The following NSG1 variants were observed in gnomAD, a reference collection of about 807,000 sequenced individuals.
NSG1 encodes neuronal vesicle trafficking-associated protein 1.
A neutral mutation model predicts 19.3 loss-of-function variants in NSG1; 9 were observed. The observed-to-expected ratio is 0.47, with a 90% CI of 0.28 to 0.81. The LOEUF (loss-of-function observed/expected upper bound fraction) is 0.81. Ranked by LOEUF, NSG1 falls within the 40% of genes least tolerant of loss-of-function variation. The pLI, the probability that NSG1 is intolerant of heterozygous loss-of-function variation, is 0.11. For synonymous variants in NSG1, 104 were observed against 107.0 expected, an observed-to-expected ratio of 0.97 and a Z score of 0.17; for missense variants, 236 against 242.4, an observed-to-expected ratio of 0.97 and a Z score of 0.18.
chr4:4,412,818 G>A (rs1373317333), intron 4 of NSG1, among the ~76,000 whole-genome samples: 1 of 152,196 alleles, frequency 6.6e-6, no homozygotes, highest in Non-Finnish European at 1.5e-5. Context: ...AAATAAAGCA[G>A]GAGAAGCCAA....
chr4:4,414,115 CCT>C (rs1724383181), intron 4 of NSG1, among the ~76,000 whole-genome samples: 2 of 152,058 alleles, frequency 1.3e-5, no homozygotes, highest in Non-Finnish European at 2.9e-5. Flanking sequence ...CCTGGCTCAT[CCT>C]CTCTGAGCCT....
intron 4 of NSG1, 77 bp downstream of exon 4, chr4:4,409,760 C>A: frequency 8.7e-7 from 1 of 1,152,840 alleles, no homozygotes; most frequent in South Asian, 1.3e-5. Context: ...CAAGGCTGCT[C>A]CTGCCGTCTC....
intron 2 of NSG1, among the ~76,000 whole-genome samples, chr4:4,389,769 G>A (rs571922855): frequency 8.5e-5 from 13 of 152,202 alleles, no homozygotes; most frequent in Non-Finnish European, 1.6e-4. Context: ...GAGTGCTGAG[G>A]TGCTGGGGTG....
At chr4:4,405,607 C>A (rs1206851088) in intron 3 of NSG1, among the ~76,000 whole-genome samples, 6 of 152,194 alleles carry the variant, frequency 3.9e-5, no homozygotes, top group Non-Finnish European at 8.8e-5. Flanking sequence ...CCTCTCTCTC[C>A]TTAGGCCATG....
chr4:4,408,647 A>C (rs989303551), intron 3 of NSG1, among the ~76,000 whole-genome samples: 3 of 152,076 alleles, frequency 2.0e-5, no homozygotes, highest in African/African-American at 7.2e-5. Context: ...TTTAGTAGAG[A>C]TGGGGTTTCG....
At chr4:4,401,090 G>A (rs1190804424) in intron 3 of NSG1, among the ~76,000 whole-genome samples, 3 of 152,218 alleles carry the variant, frequency 2.0e-5, no homozygotes, top group South Asian at 2.1e-4. Context: ...TTGGGCCACC[G>A]TGGGATGCAC....
chr4:4,409,772 C>A, intron 4 of NSG1, 89 bp downstream of exon 4: 3 of 1,039,202 alleles, frequency 2.9e-6, no homozygotes, highest in Non-Finnish European at 4.5e-6. Context: ...TGCCGTCTCC[C>A]CCAGCTGGCC....
chr4:4,408,253 T>G (rs1723973692), intron 3 of NSG1, among the ~76,000 whole-genome samples: 1 of 152,124 alleles, frequency 6.6e-6, no homozygotes, highest in East Asian at 1.9e-4. Context: ...AGGGTCTGTA[T>G]GTGGCCAGGG....
rs1724182651 is a variant in NSG1 at position 4,411,587 on chromosome 4, T to C, written c.357+1904T>C. ...GGTGAAACACCGTCTCTACTAAAAA[T>C]ACAAAAATTAGCCAGGCATGGTGGC... is the stretch of plus-strand genomic sequence containing the variant. On this transcript the variant is annotated intron_variant, in intron 4 of 4. Coordinates refer to ENST00000621129, the MANE Select transcript of NSG1 (RefSeq NM_014392.5). Among the ~76,000 whole-genome samples, 3 of 152,046 alleles carry C rather than the reference T, an allele frequency of 2.0e-5. 1 individual carries two copies. In the South Asian group the frequency reaches 6.2e-4, roughly 32 times the overall value.
At chr4:4,415,896 G>A (rs1422410677) in intron 4 of NSG1, 1 of 566,962 alleles carries the variant, frequency 1.8e-6, no homozygotes, top group Non-Finnish European at 3.1e-6. Context: ...CTGGCCTGCA[G>A]AGCCTCCTTC....
intron 3 of NSG1, among the ~76,000 whole-genome samples, chr4:4,409,053 C>G (rs918952639): frequency 6.6e-6 from 1 of 152,262 alleles, no homozygotes; most frequent in Non-Finnish European, 1.5e-5. Flanking sequence ...CCGCCGAGGG[C>G]GAAGGCCAAT....
intron 3 of NSG1, among the ~76,000 whole-genome samples, chr4:4,400,076 T>G (rs919263915): frequency 6.6e-6 from 1 of 152,230 alleles, no homozygotes; most frequent in African/African-American, 2.4e-5. Flanking sequence ...ATTTTTCCCT[T>G]GTGTTTTCTT....
intron 4 of NSG1, among the ~76,000 whole-genome samples, chr4:4,413,800 A>C (rs1724361434): frequency 6.6e-6 from 1 of 152,010 alleles, no homozygotes; most frequent in African/African-American, 2.4e-5. Context: ...GAGATGACCA[A>C]GGAGACTGCT....
At chr4:4,403,886 T>C (rs895182478) in intron 3 of NSG1, among the ~76,000 whole-genome samples, 2 of 152,212 alleles carry the variant, frequency 1.3e-5, no homozygotes, top group African/African-American at 4.8e-5. Context: ...TAAAGTCTGG[T>C]GGGGGGTGTA....
intron 4 of NSG1, among the ~76,000 whole-genome samples, chr4:4,411,583 A>C (rs1430163606): frequency 6.6e-6 from 1 of 152,154 alleles, no homozygotes; most frequent in Non-Finnish European, 1.5e-5. Context: ...GTCTCTACTA[A>C]AAATACAAAA....
chr4:4,413,684 T>A (rs1577296735), intron 4 of NSG1, among the ~76,000 whole-genome samples: 1 of 150,904 alleles, frequency 6.6e-6, no homozygotes, highest in Non-Finnish European at 1.5e-5. Flanking sequence ...CCAGAGCGGG[T>A]GCATCCTGAG....
At chr4:4,415,874 A>G (rs1577298454) in intron 4 of NSG1, 1 of 542,154 alleles carries the variant, frequency 1.8e-6, no homozygotes, top group Non-Finnish European at 3.3e-6. Flanking sequence ...GTGAGGCTGG[A>G]GGGGAGTTTG....
chr4:4,402,344 T>C (rs1365971460), intron 3 of NSG1, among the ~76,000 whole-genome samples: 2 of 148,304 alleles, frequency 1.3e-5, no homozygotes, highest in Non-Finnish European at 3.0e-5. Context: ...TAGCTGGGAT[T>C]ATAGACACGC....
intron 4 of NSG1, among the ~76,000 whole-genome samples, chr4:4,410,660 T>C (rs188012826): frequency 7.4e-4 from 113 of 152,278 alleles, no homozygotes; most frequent in African/African-American, 2.3e-3. Context: ...ATTTCCATCA[T>C]GAATGCAGCT....
Sources: gnomAD v4.1 joint callset for allele counts (sites outside exome capture counted in the v4.1 genomes callset) on GRCh38, gnomAD v4.1.1 for gene constraint, MANE v1.5 for transcripts, NCBI Gene and HGNC (gene_info 2026-07-23, HGNC 2026-07-21) for gene names.